Variants in TMEM74B observed in about 807,000 individuals in gnomAD.
TMEM74B encodes the protein transmembrane protein 74B.
TMEM74B carries 7 observed loss-of-function variants against 6.5 expected under a neutral mutation model. The ratio of observed to expected loss-of-function variants is 1.07; its 90% CI spans 0.61 to 2.01. The LOEUF is 2.01. Ranked by LOEUF, TMEM74B falls within the 30% of genes most tolerant of loss-of-function variation. TMEM74B has a pLI of 0.00. For missense variants in TMEM74B, 342 were observed against 337.0 expected, an observed-to-expected ratio of 1.01 and a Z score of -0.12; for synonymous variants, 151 against 151.6, an observed-to-expected ratio of 1.00 and a Z score of 0.03.
chr20:1,181,003 G>C lies in TMEM74B; in HGVS notation c.616C>G (p.Arg206Gly). 1 of 1,614,000 alleles carries C rather than the reference G, an allele frequency of 6.2e-7. No individual in the cohort carries two copies. The highest frequency in any genetic ancestry group is 8.5e-7 in the Non-Finnish European group (1 of 1,179,996). ...TTGCCGGGGACGAAGGTCCTCCGGC[G>C]GTACAGCTCGCCCTTGCACAGGGAG... is the stretch of plus-strand genomic sequence containing the variant. ...MVSLCKGELY[R>G]RRTFVPGKGS... is the part of the protein sequence containing the mutation. Residue 206 changes from arginine (R) to glycine (G), a missense_variant, in exon 3 of 3, where the codon CGC becomes GGC. By Grantham distance (125) the Arg-to-Gly change is moderately radical (BLOSUM62 -2). Coordinates refer to ENST00000429036, the MANE Select transcript of TMEM74B (RefSeq NM_001304748.2). The surrounding 1 kb of genome is among the most constrained non-coding windows in gnomAD (Gnocchi z 4.9).
rs1436451258 is a variant in TMEM74B at position 1,184,889 on chromosome 20, C to A, written c.-735G>T. 6.6e-6 allele frequency among the ~76,000 whole-genome samples: 1 copy of A among 152,180 alleles called. No homozygotes were observed. The highest frequency in any genetic ancestry group is 1.5e-5 in the Non-Finnish European group (1 of 68,020). On this transcript the variant is annotated 5_prime_UTR_variant, in exon 1 of 3. Transcript: ENST00000429036. The surrounding 1 kb of genome is among the most constrained non-coding windows in gnomAD (Gnocchi z 6.0). ...TACCCAAAGTTGCGCGCAGAAAGCC[C>A]CAGCACGCCGGCTGCCCACCGCGCC...
In TMEM74B at chr20:1,181,522, G is replaced by T. The variant is rs35393697; in HGVS notation, c.97C>A (p.Leu33Met). The T allele has an allele frequency of 6.7e-7, 1 of 1,493,256 alleles. No homozygotes were observed. 92.5% of individuals were successfully genotyped at this position (1,493,256 alleles called of 1,614,324 possible). ...FPMASPPGLE[L>M]KTLSNGPQAP... is the part of the protein sequence containing the mutation. ...TGGGGACCATTGCTCAGTGTCTTCA[G>T]TTCCAGACCAGGGGGAGATGCCATT... Residue 33 changes from leucine (L) to methionine (M), a missense_variant, in exon 3 of 3, where the codon CTG becomes ATG. Transcript: ENST00000429036. The surrounding 1 kb of genome is among the most constrained non-coding windows in gnomAD (Gnocchi z 4.9).
chr20:1,182,360 G>T (rs2086894249), intron 2 of TMEM74B, among the ~76,000 whole-genome samples: 2 of 151,908 alleles, frequency 1.3e-5, no homozygotes, highest in Admixed American at 6.6e-5. Flanking sequence ...GAGGCCAGCT[G>T]GGGCCGGCTC....
At chr20:1,188,619 A>G (rs540976916), upstream of TMEM74B, among the ~76,000 whole-genome samples, 2 of 149,290 alleles carry the variant, frequency 1.3e-5, no homozygotes, top group African/African-American at 2.5e-5. Flanking sequence ...TACTACACAC[A>G]CACCACACAC....
chr20:1,186,092 C>T (rs547113996), upstream of TMEM74B: 1 of 152,488 alleles, frequency 6.6e-6, no homozygotes, highest in East Asian at 1.9e-4. Context: ...GCTGTGGGGC[C>T]TCTTCTCCTG....
In TMEM74B at chr20:1,181,487, C is replaced by G. The variant is rs1173011456; in HGVS notation, c.132G>C (p.Arg44Ser). Reference protein sequence around the residue: ...KTLSNGPQAPRRSAPLGPVAP... With the variant: ...KTLSNGPQAPSRSAPLGPVAP... ...CCACTGGGCCCAGGGGAGCTGATCT[C>G]CTTGGGGCTTGGGGACCATTGCTCA... The change falls in exon 3 of 3, where the codon AGG (arginine) becomes AGC (serine). Residue 44 changes from arginine (R) to serine (S), a missense_variant. Arg to Ser is a moderately radical substitution (Grantham distance 110). Transcript: ENST00000429036. This position sits in a 1 kb window ranked among gnomAD's most constrained non-coding sequence, Gnocchi z 4.9. 1 of 1,510,760 alleles carries G rather than the reference C, an allele frequency of 6.6e-7. No individual in the cohort carries two copies. The highest frequency in any genetic ancestry group is 8.8e-7 in the Non-Finnish European group (1 of 1,131,852). 93.6% of individuals were successfully genotyped at this position (1,510,760 alleles called of 1,614,324 possible).
At chr20:1,183,315 TTTGTG>T (rs2086926790) in intron 2 of TMEM74B, among the ~76,000 whole-genome samples, 7 of 140,752 alleles carry the variant, frequency 5.0e-5, no homozygotes, top group South Asian at 2.2e-4. Context: ...TGTGTGTGTG[TTTGTG>T]TGTGTGTGTG....
intron 2 of TMEM74B, among the ~76,000 whole-genome samples, chr20:1,182,737 CACAG>C (rs2086905405): frequency 6.6e-6 from 1 of 152,196 alleles, no homozygotes; most frequent in Non-Finnish European, 1.5e-5. Context: ...CCCACCCAGA[CACAG>C]ACAGCACATG....
In TMEM74B at chr20:1,181,601, AAG is replaced by A. The variant is rs1264999630; in HGVS notation, c.32-16_32-15del. The A allele has an allele frequency of 6.9e-7, 1 of 1,453,552 alleles. No homozygotes were observed. The highest frequency in any genetic ancestry group is 9.0e-7 in the Non-Finnish European group (1 of 1,110,314). The allele number at this position is 1,453,552 out of a possible 1,614,324, so 90.0% of individuals were successfully genotyped here. On this transcript the variant is annotated splice_polypyrimidine_tract_variant and intron_variant, in intron 2 of 2. Transcript: ENST00000429036. This position sits in a 1 kb window ranked among gnomAD's most constrained non-coding sequence, Gnocchi z 4.9. ...GCCCCTTGGCAGCTGGAAGAGAAAA[AAG>A]AAAGTCAGTTGAATGTAGCAACCTC... is the stretch of plus-strand genomic sequence containing the variant.
chr20:1,180,994 TCCTCCGGCGGTACAGCTC>T lies in TMEM74B; in HGVS notation c.607_624del (p.Glu203_Arg208del). On this transcript the variant is annotated inframe_deletion, in exon 3 of 3. Coordinates refer to ENST00000429036, the MANE Select transcript of TMEM74B (RefSeq NM_001304748.2). This position sits in a 1 kb window ranked among gnomAD's most constrained non-coding sequence, Gnocchi z 6.1. ...CTGGAGCCCTTGCCGGGGACGAAGG[TCCTCCGGCGGTACAGCTC>T]GCCCTTGCACAGGGAGACCATGAGC... 1 of 1,613,912 alleles carries T rather than the reference TCCTCCGGCGGTACAGCTC, an allele frequency of 6.2e-7. No individual in the cohort carries two copies. Among genetic ancestry groups the T allele is most frequent in the Non-Finnish European group, 8.5e-7 (1 of 1,179,952 alleles).
In TMEM74B at chr20:1,184,831, G is replaced by A. The variant is rs1410864606; in HGVS notation, c.-677C>T. On this transcript the variant is annotated 5_prime_UTR_variant, in exon 1 of 3. Coordinates refer to ENST00000429036, the MANE Select transcript of TMEM74B (RefSeq NM_001304748.2). This position sits in a 1 kb window ranked among gnomAD's most constrained non-coding sequence, Gnocchi z 6.0. ...CGAGTTGTACACAAAGCCTTGGGGC[G>A]CGCAGATACGCACACGCAGGTCCAC... 6.6e-6 allele frequency among the ~76,000 whole-genome samples: 1 copy of A among 152,210 alleles called. No homozygotes were observed. The highest frequency in any genetic ancestry group is 1.5e-5 in the Non-Finnish European group (1 of 68,038).
upstream of TMEM74B, chr20:1,185,446 G>C (rs958087866): frequency 6.6e-6 from 1 of 151,720 alleles, no homozygotes; most frequent in Middle Eastern, 3.4e-3. Context: ...GGGAGGCGGG[G>C]GGGGGATCCG....
In TMEM74B at chr20:1,180,899, C is replaced by G; in HGVS notation, c.720G>C (p.Glu240Asp). Reference sequence around the variant, plus strand: ...TCTCTGAGACCTGGACAACTTCATTCTCCACCAGGGCCTGGCCCCCATCCC... The same window carrying G: ...TCTCTGAGACCTGGACAACTTCATTGTCCACCAGGGCCTGGCCCCCATCCC... Reference protein sequence around the residue: ...LNGDGGQALVENEVVQVSETS... With the variant: ...LNGDGGQALVDNEVVQVSETS... Residue 240 changes from glutamate to aspartate, a missense_variant, in exon 3 of 3, where the codon GAG (glutamate) becomes GAC (aspartate). Transcript: ENST00000429036. This position sits in a 1 kb window ranked among gnomAD's most constrained non-coding sequence, Gnocchi z 6.1. 6.2e-7 allele frequency: 1 copy of G among 1,611,122 alleles called. No homozygotes were observed.
At chr20:1,182,519 G>GCAGGTTGGGGATGGCATGGCTAAAA (rs1387802390) in intron 2 of TMEM74B, among the ~76,000 whole-genome samples, 35 of 147,550 alleles carry the variant, frequency 2.4e-4, no homozygotes, top group Non-Finnish European at 3.7e-4. Flanking sequence ...AAGGAAGCCA[G>GCAGGTTGGGGATGGCATGGCTAAAA]CAGGTTGGGG....
chr20:1,181,199 T>C lies in TMEM74B; in HGVS notation c.420A>G (p.Ala140=), dbSNP rs758564194. The C allele has an allele frequency of 2.5e-5, 41 of 1,613,976 alleles. No homozygotes were observed. In the South Asian group the frequency reaches 4.3e-4, roughly 17 times the overall value. ...CTCGAGCCTCACGGGGGATGGCGTA[T>C]GCTGTCACCACCAGAAGAATCCCAC... is the stretch of plus-strand genomic sequence containing the variant. ...LVSGILLVVT[A]YAIPREARVN... Residue 140 remains alanine (A), a synonymous_variant, in exon 3 of 3, where the codon GCA becomes GCG. Coordinates refer to ENST00000429036, the MANE Select transcript of TMEM74B (RefSeq NM_001304748.2). This position sits in a 1 kb window ranked among gnomAD's most constrained non-coding sequence, Gnocchi z 4.9.
At chr20:1,188,964 T>C (rs2087048432), upstream of TMEM74B, among the ~76,000 whole-genome samples, 1 of 144,652 alleles carries the variant, frequency 6.9e-6, no homozygotes, top group African/African-American at 2.6e-5. Flanking sequence ...TTTCCAAGAG[T>C]GTTTTATGGA....
At chr20:1,183,316 T>TTTGTGTGTG (rs2086927065) in intron 2 of TMEM74B, among the ~76,000 whole-genome samples, 4 of 95,578 alleles carry the variant, frequency 4.2e-5, no homozygotes, top group African/African-American at 1.4e-4. Context: ...GTGTGTGTGT[T>TTTGTGTGTG]TGTGTGTGTG....
rs1346855067 is a variant in TMEM74B at position 1,183,760 on chromosome 20, C to T, written c.31+11G>A. The T allele has an allele frequency of 6.2e-7, 1 of 1,613,958 alleles. No individual in the cohort carries two copies. The highest frequency in any genetic ancestry group is 8.5e-7 in the Non-Finnish European group (1 of 1,179,982). ...ATGCAGATTCCCTAAGAATTATTAT[C>T]ATGTACAAACCTGCAAACTCATACC... On this transcript the variant is annotated intron_variant, in intron 2 of 2. Transcript: ENST00000429036.
rs1467564925 is a variant in TMEM74B at position 1,180,843 on chromosome 20, A to G, written c.*5T>C. ...CTAAAGCAGCCAGATAAGGTGGGCT[A>G]GTTCTTAAGACCTCTGGAGGGTGTG... On this transcript the variant is annotated 3_prime_UTR_variant, in exon 3 of 3. Transcript: ENST00000429036. This position sits in a 1 kb window ranked among gnomAD's most constrained non-coding sequence, Gnocchi z 6.1. The G allele has an allele frequency of 6.4e-7, 1 of 1,560,526 alleles. No individual in the cohort carries two copies. Among genetic ancestry groups the G allele is most frequent in the African/African-American group, 1.4e-5 (1 of 73,286 alleles).
Sources: gnomAD v4.1 joint callset for allele counts (sites outside exome capture counted in the v4.1 genomes callset) on GRCh38, gnomAD v4.1.1 for gene constraint, Gnocchi (gnomAD v3.1) non-coding constraint, MANE v1.5 for transcripts, NCBI Gene and HGNC (gene_info 2026-07-23, HGNC 2026-07-21) for gene names.